Variants in ATP7A observed in about 807,000 individuals in gnomAD.
The protein encoded by ATP7A is ATPase copper transporting alpha, also known as copper-transporting ATPase 1.
In ATP7A, 7 loss-of-function variants were observed where a neutral mutation model predicts 83.5. The observed-to-expected ratio is 0.08, with a 90% CI of 0.05 to 0.16. ATP7A has a LOEUF of 0.16. ATP7A is among the 10% of genes least tolerant of loss of function. The pLI is 1.00. For synonymous variants in ATP7A, 354 were observed against 395.2 expected (o/e 0.90, Z 1.24); for missense variants, 940 against 1,120.8 (o/e 0.84, Z 2.30).
At chrX:77,927,894 C>T (rs2077250986) in intron 1 of ATP7A, among the ~76,000 whole-genome samples, 1 of 110,617 alleles carries the variant, frequency 9.0e-6, no homozygotes, top group African/African-American at 3.3e-5. Flanking sequence ...TTTTTTTGTC[C>T]TTGCGATAGT....
chrX:77,963,200 A>C, intron 1 of ATP7A: 1 of 121,603 alleles, frequency 8.2e-6, no homozygotes, highest in South Asian at 2.9e-4. Flanking sequence ...GTAGCAAACT[A>C]AGTGGACCAT....
rs782029133 is a variant in ATP7A, at chrX:78,013,009, C to G, written c.2303C>G (p.Ala768Gly). Residue 768 changes from alanine (A) to glycine (G), a missense_variant, in exon 10 of 23, where the codon GCA becomes GGA. Transcript: ENST00000341514. Reference protein sequence around the residue: ...FAYSLIILLVAMYERAKVNPI... With the variant: ...FAYSLIILLVGMYERAKVNPI... ...TACTCTTTGATTATTCTTCTAGTTGCAATGTATGAGAGAGCCAAAGTGAAC... is the reference window on the plus strand; with the variant it reads ...TACTCTTTGATTATTCTTCTAGTTGGAATGTATGAGAGAGCCAAAGTGAAC... 3 of 1,208,798 alleles carry G rather than the reference C, an allele frequency of 2.5e-6. No individual in the cohort carries two copies. The South Asian group carries it at 5.3e-5, about 21-fold the overall frequency.
chrX:78,015,356 A>T (rs2077854785), intron 11 of ATP7A, among the ~76,000 whole-genome samples: 1 of 111,535 alleles, frequency 9.0e-6, no homozygotes, highest in African/African-American at 3.3e-5. Context: ...TTGTTCTATA[A>T]CTCCTATGTT....
At chrX:77,969,541 G>A (rs1197116516) in intron 1 of ATP7A, 1 of 1,209,773 alleles carries the variant, frequency 8.3e-7, no homozygotes, top group Non-Finnish European at 1.1e-6. Flanking sequence ...CTCGTGGCCC[G>A]CCGGGCTCAG....
intron 2 of ATP7A, among the ~76,000 whole-genome samples, chrX:77,987,803 A>T (rs2149082342): frequency 9.0e-6 from 1 of 111,678 alleles, no homozygotes; most frequent in African/African-American, 3.2e-5. Context: ...TAATAGTTAT[A>T]CATATTTTTA....
rs1287080060 is a variant in ATP7A, at chrX:77,989,229, C to T, written c.611-4C>T. ...AATTAATTATATTTCTTTTTATTAA[C>T]TAGTCTCCCTGGACAATCAAGAAGC... On this transcript the variant is annotated splice_polypyrimidine_tract_variant and splice_region_variant and intron_variant, in intron 3 of 22. Transcript: ENST00000341514. The T allele has an allele frequency of 8.3e-7, 1 of 1,198,051 alleles. No homozygotes were observed. The highest frequency in any genetic ancestry group is 1.1e-6 in the Non-Finnish European group (1 of 887,319).
intron 17 of ATP7A, among the ~76,000 whole-genome samples, chrX:78,037,980 G>GTTTTTTT (rs782643561): frequency 1.4e-4 from 7 of 51,200 alleles, no homozygotes; most frequent in East Asian, 1.4e-3. Flanking sequence ...ATCAAGAAAG[G>GTTTTTTT]TTTTTTTTTT....
At chrX:77,928,730 A>T (rs781852643) in intron 1 of ATP7A, among the ~76,000 whole-genome samples, 2 of 112,305 alleles carry the variant, frequency 1.8e-5, no homozygotes, top group Non-Finnish European at 3.8e-5. Flanking sequence ...TTATGAGAAA[A>T]CATGTTTCAT....
chrX:77,948,059 A>ATATTTGTT (rs2077391760), intron 1 of ATP7A, among the ~76,000 whole-genome samples: 2 of 94,053 alleles, frequency 2.1e-5, no homozygotes, highest in Non-Finnish European at 4.2e-5. Flanking sequence ...CAATTTAAAA[A>ATATTTGTT]TATTTATTTA....
intron 15 of ATP7A, 41 bp from the exon 16 acceptor site, chrX:78,031,359 G>A: frequency 8.8e-7 from 1 of 1,138,563 alleles, no homozygotes; most frequent in East Asian, 3.0e-5. Context: ...GAAAGGTGAT[G>A]TGGAGGATCA....
chrX:77,955,621 T>A (rs1205595426), intron 1 of ATP7A, among the ~76,000 whole-genome samples: 2 of 111,572 alleles, frequency 1.8e-5, no homozygotes, highest in Non-Finnish European at 3.8e-5. Flanking sequence ...ATCTATCACC[T>A]CATACATTTA....
intron 1 of ATP7A, among the ~76,000 whole-genome samples, chrX:77,962,118 G>T: frequency 9.0e-6 from 1 of 111,485 alleles, no homozygotes; most frequent in East Asian, 2.8e-4. Context: ...TACACAAAAG[G>T]ACACTATCAA....
At chrX:78,040,477 G>T (rs1681212055) in intron 18 of ATP7A, 114 bp from the exon 19 acceptor site, 1 of 953,138 alleles carries the variant, frequency 1.0e-6, no homozygotes. Flanking sequence ...GTTAAGCCAT[G>T]CCCTGAACAA....
At chrX:77,981,326 G>A (rs2077604507) in intron 2 of ATP7A, among the ~76,000 whole-genome samples, 1 of 111,444 alleles carries the variant, frequency 9.0e-6, no homozygotes, top group Non-Finnish European at 1.9e-5. Flanking sequence ...GCTTCAAAGA[G>A]GATTAGGTTT....
At position 78,046,499 on chromosome X, in the gene ATP7A, G is replaced by A; in HGVS notation, c.4432G>A (p.Val1478Ile). The A allele has an allele frequency of 8.3e-7, 1 of 1,211,320 alleles. No individual in the cohort carries two copies. Among genetic ancestry groups the A allele is most frequent in the Non-Finnish European group, 1.1e-6 (1 of 895,265 alleles). ...LSDKRSLNSV[V>I]TSEPDKHSLL... The stretch of plus-strand genomic sequence containing the variant: ...TGATAAACGCTCCCTAAACAGTGTT[G>A]TTACCAGTGAACCTGACAAGCACTC... Residue 1478 changes from valine (V) to isoleucine (I), a missense_variant, in exon 23 of 23, where the codon GTT becomes ATT. Val to Ile is a conservative substitution (Grantham distance 29, BLOSUM62 3). Transcript: ENST00000341514.
At chrX:77,976,981 T>G (rs2077580132) in intron 2 of ATP7A, among the ~76,000 whole-genome samples, 1 of 111,662 alleles carries the variant, frequency 9.0e-6, no homozygotes, top group Admixed American at 9.6e-5. Context: ...TACGGTTGCC[T>G]TTAATGATCT....
chrX:78,045,435 T>A, intron 21 of ATP7A, 35 bp from the exon 22 acceptor site: 1 of 1,021,750 alleles, frequency 9.8e-7, no homozygotes, highest in East Asian at 3.0e-5. Flanking sequence ...CTGTTTAGTA[T>A]TATCTACTCT....
intron 4 of ATP7A, among the ~76,000 whole-genome samples, chrX:77,995,065 G>A (rs932221650): frequency 9.0e-6 from 1 of 111,272 alleles, no homozygotes; most frequent in Admixed American, 9.6e-5. Flanking sequence ...CCATATTATC[G>A]GGACATGAAG....
In ATP7A at chrX:77,988,520, A is replaced by G. The variant is rs782173894; in HGVS notation, c.399A>G (p.Ile133Met). The G allele has an allele frequency of 3.3e-6, 4 of 1,211,631 alleles. No homozygotes were observed. Among genetic ancestry groups the G allele is most frequent in the Admixed American group, 2.2e-5 (1 of 45,994 alleles). ...RTVAVTIIPSIVNANQIKELV... is the reference protein window; with the variant it reads ...RTVAVTIIPSMVNANQIKELV... The stretch of plus-strand genomic sequence containing the variant: ...TAGCAGTGACAATAATCCCTTCTAT[A>G]GTGAATGCCAATCAGATAAAAGAGC... The change falls in exon 3 of 23, where the codon ATA (isoleucine) becomes ATG (methionine). Residue 133 changes from isoleucine (I) to methionine (M), a missense_variant. By Grantham distance (10) the Ile-to-Met change is conservative. Coordinates refer to ENST00000341514, the MANE Select transcript of ATP7A (RefSeq NM_000052.7).
Sources: allele counts gnomAD v4.1 joint callset (sites outside exome capture counted in the v4.1 genomes callset), GRCh38; gene constraint gnomAD v4.1.1; transcripts MANE v1.5; gene names NCBI Gene and HGNC (gene_info 2026-07-23, HGNC 2026-07-21).